The following DNAI7 variants were observed in gnomAD, a reference collection of about 807,000 sequenced individuals.
DNAI7 encodes the protein dynein axonemal intermediate chain 7.
Under a neutral mutation model 86.6 loss-of-function variants are expected in DNAI7, and 78 were observed. That is an observed-to-expected ratio of 0.90 (90% CI 0.75 to 1.09). The LOEUF (loss-of-function observed/expected upper bound fraction) is 1.09. Among genes scored for constraint, DNAI7 ranks in the 50% least tolerant of loss-of-function variants. DNAI7 has a pLI of 0.00. For synonymous variants in DNAI7, 274 were observed against 273.0 expected, an observed-to-expected ratio of 1.00 and a Z score of -0.04; for missense variants, 753 against 810.2, an observed-to-expected ratio of 0.93 and a Z score of 0.86.
At chr12:25,116,332 T>A (rs954023527) in intron 12 of DNAI7, among the ~76,000 whole-genome samples, 1 of 152,206 alleles carries the variant, frequency 6.6e-6, no homozygotes, top group African/African-American at 2.4e-5. Context: ...TAAAAAGTTA[T>A]TACCTATAAA....
At chr12:25,124,877 GT>G (rs2140504828) in intron 9 of DNAI7, among the ~76,000 whole-genome samples, 1 of 152,214 alleles carries the variant, frequency 6.6e-6, no homozygotes, top group African/African-American at 2.4e-5. Context: ...GTAGCATTTG[GT>G]TTTATGTTCC....
At position 25,173,897 on chromosome 12, in the gene DNAI7, TACC is replaced by T. The variant is rs557500904; in HGVS notation, c.22-12703_22-12701del. Among the ~76,000 whole-genome samples, 1,113 of 144,390 alleles carry T rather than the reference TACC, an allele frequency of 7.7e-3. 12 individuals are homozygous for T. Among genetic ancestry groups the T allele is most frequent in the Non-Finnish European group, 9.9e-3 (657 of 66,078 alleles). 94.7% of individuals were successfully genotyped at this position (144,390 alleles called of 152,430 possible). The stretch of plus-strand genomic sequence containing the variant: ...TATATATACACATCATTCATATATA[TACC>T]ACATCATATATATGGAATATATATA... On this transcript the variant is annotated intron_variant, in intron 2 of 15. Coordinates refer to ENST00000395987, the MANE Select transcript of DNAI7 (RefSeq NM_018272.5).
chr12:25,176,647 A>C (rs967883740), intron 2 of DNAI7, among the ~76,000 whole-genome samples: 1 of 151,980 alleles, frequency 6.6e-6, no homozygotes, highest in Non-Finnish European at 1.5e-5. Context: ...AACATCATGC[A>C]ATTCTTTGAA....
intron 2 of DNAI7, among the ~76,000 whole-genome samples, chr12:25,174,172 T>C (rs1310098856): frequency 1.3e-5 from 2 of 148,376 alleles, no homozygotes; most frequent in African/African-American, 4.9e-5. Flanking sequence ...TGTTGCAGAT[T>C]CTGGATATTA....
At chr12:25,135,088 C>T (rs928908104) in intron 9 of DNAI7, among the ~76,000 whole-genome samples, 1 of 152,162 alleles carries the variant, frequency 6.6e-6, no homozygotes. Flanking sequence ...GGAAATAATT[C>T]ACAGACTCTG....
chr12:25,124,388 G>C (rs1941791910), intron 9 of DNAI7, among the ~76,000 whole-genome samples: 1 of 151,848 alleles, frequency 6.6e-6, no homozygotes. Context: ...CTCCTAAATA[G>C]TAGTGGCATT....
chr12:25,121,734 G>T lies in DNAI7; in HGVS notation c.1239+19C>A. ...AGCAATTATTTTACTTATAAGTTTT[G>T]ATTCAAGAATCAACCTACTTCCACA... On this transcript the variant is annotated intron_variant, in intron 11 of 15. Coordinates refer to ENST00000395987, the MANE Select transcript of DNAI7 (RefSeq NM_018272.5). The T allele has an allele frequency of 1.3e-6, 2 of 1,579,964 alleles. No homozygotes were observed. Among genetic ancestry groups the T allele is most frequent in the South Asian group, 1.2e-5 (1 of 84,630 alleles).
intron 2 of DNAI7, among the ~76,000 whole-genome samples, chr12:25,184,050 T>C (rs1018380078): frequency 2.6e-5 from 4 of 152,144 alleles, no homozygotes; most frequent in African/African-American, 9.7e-5. Context: ...ATGTCTTAAC[T>C]CAATCTGTCC....
chr12:25,135,347 G>C (rs1943417656), intron 9 of DNAI7, among the ~76,000 whole-genome samples: 1 of 152,210 alleles, frequency 6.6e-6, no homozygotes, highest in South Asian at 2.1e-4. Context: ...AGCCATTTCT[G>C]ACTTTTATCT....
At chr12:25,160,645 T>C (rs1946741980) in intron 3 of DNAI7, among the ~76,000 whole-genome samples, 5 of 152,218 alleles carry the variant, frequency 3.3e-5, no homozygotes. Context: ...TAAGAACCCC[T>C]TCCCCTCCCT....
At chr12:25,107,059 T>C (rs746914384), downstream of DNAI7, 18 of 1,465,090 alleles carry the variant, frequency 1.2e-5, no homozygotes, top group Non-Finnish European at 1.9e-6. Flanking sequence ...GTGTAAGTTA[T>C]CTACTTGATA....
intron 12 of DNAI7, among the ~76,000 whole-genome samples, chr12:25,117,475 T>C (rs1342077618): frequency 6.6e-6 from 1 of 152,170 alleles, no homozygotes; most frequent in Admixed American, 6.5e-5. Flanking sequence ...ACCAAGTATA[T>C]AAATCCCTTC....
At chr12:25,163,770 G>A (rs543476974) in intron 2 of DNAI7, among the ~76,000 whole-genome samples, 2 of 152,260 alleles carry the variant, frequency 1.3e-5, no homozygotes, top group African/African-American at 2.4e-5. Context: ...TTTAAATCTG[G>A]TAAGCGGCCT....
chr12:25,134,151 C>T (rs906242777), intron 9 of DNAI7, among the ~76,000 whole-genome samples: 4 of 151,618 alleles, frequency 2.6e-5, no homozygotes, highest in African/African-American at 7.3e-5. Context: ...CATGCCACCA[C>T]ATCCGGCTAC....
intron 9 of DNAI7, among the ~76,000 whole-genome samples, chr12:25,141,531 G>A (rs1055986155): frequency 6.6e-6 from 1 of 152,156 alleles, no homozygotes; most frequent in Non-Finnish European, 1.5e-5. Flanking sequence ...CCTCACTCCT[G>A]CAAAAATGGC....
At chr12:25,107,860 A>T (rs1374817758), downstream of DNAI7, 1 of 1,614,080 alleles carries the variant, frequency 6.2e-7, no homozygotes, top group South Asian at 1.1e-5. Context: ...CAAGTCCTCC[A>T]TCAGAAAGGC....
In DNAI7 at chr12:25,190,709, T is replaced by C. The variant is rs577746066; in HGVS notation, c.4-78A>G. 1.8e-5 allele frequency: 14 copies of C among 783,726 alleles called. No homozygotes were observed. In the South Asian group the frequency reaches 2.5e-4, roughly 14 times the overall value. 48.5% of individuals were successfully genotyped at this position (783,726 alleles called of 1,614,324 possible). ...AAAAGTATCATGATTATGTAAGATG[T>C]TAAAATTAGAAGAAGCTTGGTAAAG... is the stretch of plus-strand genomic sequence containing the variant. On this transcript the variant is annotated intron_variant, in intron 1 of 15. Coordinates refer to ENST00000395987, the MANE Select transcript of DNAI7 (RefSeq NM_018272.5).
At chr12:25,189,350 CAG>C (rs1192909493) in intron 2 of DNAI7, among the ~76,000 whole-genome samples, 1 of 152,134 alleles carries the variant, frequency 6.6e-6, no homozygotes, top group Non-Finnish European at 1.5e-5. Flanking sequence ...TATGAAAACA[CAG>C]AGTATAAGCC....
At position 25,121,856 on chromosome 12, in the gene DNAI7, A is replaced by G. The variant is rs375636315; in HGVS notation, c.1136T>C (p.Val379Ala). The change falls in exon 11 of 16, where the codon GTG becomes GCG. Residue 379 changes from valine to alanine, a missense_variant. Coordinates refer to ENST00000395987, the MANE Select transcript of DNAI7 (RefSeq NM_018272.5). ...SEKPDFFEDNVVDLCQFTTLG... is the reference protein window; with the variant it reads ...SEKPDFFEDNAVDLCQFTTLG... The stretch of plus-strand genomic sequence containing the variant: ...AGTTGTGAACTGGCATAAATCCACC[A>G]CATTGTCTTCAAAGAAATCTGGCTT... The G allele has an allele frequency of 3.5e-5, 56 of 1,595,314 alleles. No individual in the cohort carries two copies. Among genetic ancestry groups the G allele is most frequent in the Non-Finnish European group, 4.3e-5 (51 of 1,175,154 alleles).
Sources: allele counts gnomAD v4.1 joint callset (sites outside exome capture counted in the v4.1 genomes callset), GRCh38; gene constraint gnomAD v4.1.1; transcripts MANE v1.5; gene names NCBI Gene and HGNC (gene_info 2026-07-23, HGNC 2026-07-21).